Variants in U2SURP observed in about 807,000 individuals in gnomAD.
U2SURP encodes the protein U2 snRNP associated SURP domain containing.
U2SURP carries 9 observed loss-of-function variants against 144.9 expected under a neutral mutation model. The ratio of observed to expected loss-of-function variants is 0.06; its 90% CI spans 0.04 to 0.11. The LOEUF (loss-of-function observed/expected upper bound fraction) is 0.11. Among genes scored for constraint, U2SURP ranks in the 10% least tolerant of loss-of-function variants. The pLI, the probability that U2SURP is intolerant of heterozygous loss-of-function variation, is 1.00. For missense variants in U2SURP, 724 were observed against 1,226.7 expected (o/e 0.59, Z 6.12); for synonymous variants, 408 against 396.8 (o/e 1.03, Z -0.33).
At chr3:143,003,677 C>CTTTTTTTTTTT (rs60505715) in intron 1 of U2SURP, among the ~76,000 whole-genome samples, 26 of 101,506 alleles carry the variant, frequency 2.6e-4, no homozygotes, top group Admixed American at 3.8e-4. Context: ...TATTTTATTT[C>CTTTTTTTTTTT]TTTTTTTTTT....
intron 13 of U2SURP, chr3:143,024,540 G>T (rs1334408955): frequency 2.3e-6 from 1 of 433,232 alleles, no homozygotes; most frequent in East Asian, 7.2e-5. Context: ...TCTTTTCATG[G>T]TAACAAAGGT....
At chr3:143,010,770 T>C in intron 1 of U2SURP, 45 bp from the exon 2 acceptor site, 2 of 1,480,256 alleles carry the variant, frequency 1.4e-6, no homozygotes, top group Middle Eastern at 3.6e-4. Context: ...GTTTTGTTAG[T>C]ATAAGACATT....
chr3:143,020,540 C>T, intron 7 of U2SURP, 59 bp from the exon 8 acceptor site: 1 of 1,154,956 alleles, frequency 8.7e-7, no homozygotes, highest in Non-Finnish European at 1.3e-6. Flanking sequence ...AAGCGCTATT[C>T]TGAAATGTGA....
chr3:143,017,879 C>T (rs1005275127), intron 6 of U2SURP, among the ~76,000 whole-genome samples: 17 of 151,864 alleles, frequency 1.1e-4, no homozygotes, highest in Admixed American at 9.2e-4. Flanking sequence ...CCACTTTTGC[C>T]TCCCAAAGTG....
In U2SURP at chr3:143,009,972, T is replaced by C. The variant is rs551508401; in HGVS notation, c.46-843T>C. Among the ~76,000 whole-genome samples the C allele has an allele frequency of 7.9e-5, 12 of 152,308 alleles. No homozygotes were observed. In the South Asian group the frequency reaches 2.5e-3, roughly 32 times the overall value. On this transcript the variant is annotated intron_variant, in intron 1 of 27. Transcript: ENST00000473835. ...ACTTAAATATATAAATAAAAACAAG[T>C]AAAATTTCACTACCGTATACCCTCA...
At chr3:143,012,390 A>T (rs1163668364) in intron 3 of U2SURP, 37 bp downstream of exon 3, 2 of 1,546,196 alleles carry the variant, frequency 1.3e-6, no homozygotes, top group Admixed American at 4.1e-5. Flanking sequence ...ATAAGAAAGG[A>T]TAGTTAATGA....
At chr3:143,012,935 C>G (rs955364441) in intron 3 of U2SURP, among the ~76,000 whole-genome samples, 3 of 152,092 alleles carry the variant, frequency 2.0e-5, no homozygotes, top group African/African-American at 7.2e-5. Flanking sequence ...CCAGTATTAA[C>G]CACTGGTAAC....
At chr3:143,010,750 C>A in intron 1 of U2SURP, 65 bp from the exon 2 acceptor site, 2 of 1,285,200 alleles carry the variant, frequency 1.6e-6, no homozygotes, top group Non-Finnish European at 2.2e-6. Context: ...TTGTATAACA[C>A]GAGAGACATG....
At chr3:143,002,695 C>G (rs1001782068) in intron 1 of U2SURP, among the ~76,000 whole-genome samples, 41 of 152,190 alleles carry the variant, frequency 2.7e-4, no homozygotes, top group African/African-American at 9.7e-4. Flanking sequence ...GAGAAGCTTG[C>G]GTTTACAGTT....
At position 143,037,280 on chromosome 3, in the gene U2SURP, T is replaced by G. The variant is rs201356861; in HGVS notation, c.2166T>G (p.Asp722Glu). 1.3e-5 allele frequency: 21 copies of G among 1,612,568 alleles called. No homozygotes were observed. Among genetic ancestry groups the G allele is most frequent in the Non-Finnish European group, 1.8e-5 (21 of 1,179,218 alleles). ...DGIPIDATPI[D>E]DLDGVPIKSL... ...TTCCTATTGATGCTACTCCCATCGA[T>G]GATCTTGATGGAGTCCCTATAAAAA... Residue 722 changes from aspartate (D) to glutamate (E), a missense_variant, in exon 21 of 28, where the codon GAT becomes GAG. Physicochemically the swap from Asp to Glu is conservative, Grantham distance 45 (BLOSUM62 2). Around this residue, in one of 13 missense-constraint regions of U2SURP, gnomAD observed 116 missense variants for 167.9 expected, o/e 0.69. Coordinates refer to ENST00000473835, the MANE Select transcript of U2SURP (RefSeq NM_001080415.2).
chr3:143,046,331 T>A (rs6764514), intron 24 of U2SURP, among the ~76,000 whole-genome samples: 33 of 147,476 alleles, frequency 2.2e-4, no homozygotes, highest in African/African-American at 6.6e-4. Flanking sequence ...ATTTTTTATT[T>A]TTTTTTTTAT....
chr3:143,048,136 T>C (rs1029600892), intron 24 of U2SURP, among the ~76,000 whole-genome samples: 7 of 152,222 alleles, frequency 4.6e-5, no homozygotes, highest in African/African-American at 1.7e-4. Flanking sequence ...AGGTGATACC[T>C]GTCTGTTGCC....
At chr3:143,033,015 T>C in intron 17 of U2SURP, 69 bp downstream of exon 17, 1 of 1,529,350 alleles carries the variant, frequency 6.5e-7, no homozygotes, top group Non-Finnish European at 8.9e-7. Context: ...GGTTTCCTTT[T>C]TGCACAAAGC....
intron 14 of U2SURP, among the ~76,000 whole-genome samples, chr3:143,028,123 T>G (rs947604946): frequency 6.6e-6 from 1 of 152,156 alleles, no homozygotes; most frequent in Non-Finnish European, 1.5e-5. Context: ...ATGCATGCCT[T>G]CTGAGTATTA....
At chr3:143,032,447 G>A (rs1560191902) in intron 16 of U2SURP, among the ~76,000 whole-genome samples, 1 of 152,174 alleles carries the variant, frequency 6.6e-6, no homozygotes, top group Non-Finnish European at 1.5e-5. Context: ...TTCCTTCAAA[G>A]AAGGGGAGTA....
At position 143,028,696 on chromosome 3, in the gene U2SURP, G is replaced by A. The variant is rs781215747; in HGVS notation, c.1610+50G>A. The A allele has an allele frequency of 2.7e-6, 4 of 1,496,078 alleles. No individual in the cohort carries two copies. The African/African-American group carries it at 4.3e-5, about 16-fold the overall frequency. 92.7% of individuals were successfully genotyped at this position (1,496,078 alleles called of 1,614,324 possible). A position where few individuals can be genotyped will look rare whatever the true frequency, so the allele number is the denominator to read the frequency against. Reference sequence around the variant, plus strand: ...TATATTCAGAAAAGTAACTGTAATGGTTGCTTTAATTAATGGTCTTATTAA... The same window carrying A: ...TATATTCAGAAAAGTAACTGTAATGATTGCTTTAATTAATGGTCTTATTAA... On this transcript the variant is annotated intron_variant, in intron 16 of 27. Transcript: ENST00000473835.
At chr3:143,002,385 T>C (rs1168448693) in intron 1 of U2SURP, 1 of 152,252 alleles carries the variant, frequency 6.6e-6, no homozygotes, top group Non-Finnish European at 1.5e-5. Flanking sequence ...GATTAGTAAA[T>C]TGCATTTGTG....
intron 2 of U2SURP, 83 bp from the exon 3 acceptor site, chr3:143,012,139 G>T: frequency 6.7e-7 from 1 of 1,486,710 alleles, no homozygotes; most frequent in South Asian, 1.2e-5. Flanking sequence ...GTCAATATCT[G>T]GCATGGCTTA....
At chr3:143,052,001 C>T (rs1934896579) in intron 25 of U2SURP, among the ~76,000 whole-genome samples, 1 of 152,176 alleles carries the variant, frequency 6.6e-6, no homozygotes, top group South Asian at 2.1e-4. Flanking sequence ...ATGCATCCTA[C>T]AGATCACCAG....
Sources: allele counts gnomAD v4.1 joint callset (sites outside exome capture counted in the v4.1 genomes callset), GRCh38; gene constraint gnomAD v4.1.1; regional missense constraint gnomAD v4.1.1; transcripts MANE v1.5; gene names NCBI Gene and HGNC (gene_info 2026-07-23, HGNC 2026-07-21).